The following SAMD9 variants were observed in gnomAD, a reference collection of about 807,000 sequenced individuals.
SAMD9 encodes sterile alpha motif domain containing 9.
Under a neutral mutation model 1.5 loss-of-function variants are expected in SAMD9, and 3 were observed. That is an observed-to-expected ratio of 2.05 (90% CI 0.93 to 5.29). SAMD9 has a LOEUF of 5.29. Ranked by LOEUF, SAMD9 falls within the 30% of genes most tolerant of loss-of-function variation. The pLI, the probability that SAMD9 is intolerant of heterozygous loss-of-function variation, is 0.02. For missense variants in SAMD9, 1,597 were observed against 1,820.8 expected (o/e 0.88, Z 2.24); for synonymous variants, 635 against 631.9 (o/e 1.00, Z -0.07).
rs915824696 is a variant in SAMD9, at chr7:93,105,130, A to G, written c.968T>C (p.Ile323Thr). Residue 323 changes from isoleucine to threonine, a missense_variant, in exon 3 of 3, where the codon ATT becomes ACT. This residue lies in a region of SAMD9 where 498 missense variants were observed against 457.4 expected (regional missense o/e 1.09). Transcript: ENST00000379958. ...TTTGTTGTTGTAATTTTGCATTTTA[A>G]TCTGGAAATAATCATATTGGCATTC... Reference protein sequence around the residue: ...FSECQYDYFQIKMQNYNNKIW... With the variant: ...FSECQYDYFQTKMQNYNNKIW... The G allele has an allele frequency of 1.2e-6, 2 of 1,613,536 alleles. No individual in the cohort carries two copies. Among genetic ancestry groups the G allele is most frequent in the Non-Finnish European group, 1.7e-6 (2 of 1,179,860 alleles).
At position 93,116,050 on chromosome 7, in the gene SAMD9, G is replaced by C. The variant is rs374998609; in HGVS notation, c.-109-1155C>G. Among the ~76,000 whole-genome samples the C allele has an allele frequency of 5.3e-4, 80 of 152,256 alleles. No homozygotes were observed. In the South Asian group the frequency reaches 0.015, roughly 28 times the overall value. On this transcript the variant is annotated intron_variant, in intron 1 of 2. Transcript: ENST00000379958. The stretch of plus-strand genomic sequence containing the variant: ...TTTAACACATAAAGCAGGGGTCCCC[G>C]ATTATTGTGCTGCTAGCGTGCGCTG...
chr7:93,112,097 C>G (rs1204394607), intron 2 of SAMD9, among the ~76,000 whole-genome samples: 1 of 152,196 alleles, frequency 6.6e-6, no homozygotes, highest in Non-Finnish European at 1.5e-5. Flanking sequence ...CATCAAAAAG[C>G]TTATCCTCCA....
At position 93,099,973 on chromosome 7, in the gene SAMD9, T is replaced by C. The variant is rs1203293323; in HGVS notation, c.*1355A>G. ...TACCTTAATATCCTCAAATATCTAG[T>C]CTGTGTTCAAATTTTTCTGATTGCC... On this transcript the variant is annotated 3_prime_UTR_variant, in exon 3 of 3. Coordinates refer to ENST00000379958, the MANE Select transcript of SAMD9 (RefSeq NM_017654.4). 1.3e-5 allele frequency: 2 copies of C among 152,162 alleles called. No individual in the cohort carries two copies. Among genetic ancestry groups the C allele is most frequent in the Non-Finnish European group, 2.9e-5 (2 of 68,024 alleles). 9.4% of individuals were successfully genotyped at this position (152,162 alleles called of 1,614,324 possible).
At position 93,102,559 on chromosome 7, in the gene SAMD9, C is replaced by T; in HGVS notation, c.3539G>A (p.Arg1180Lys). The T allele has an allele frequency of 6.2e-7, 1 of 1,613,846 alleles. No individual in the cohort carries two copies. Among genetic ancestry groups the T allele is most frequent in the Admixed American group, 1.7e-5 (1 of 60,012 alleles). The change falls in exon 3 of 3, where the codon AGA (arginine) becomes AAA (lysine). Residue 1180 changes from arginine to lysine, a missense_variant. Arg to Lys is a conservative substitution (Grantham distance 26). This residue lies in a region of SAMD9 where 682 missense variants were observed against 810.0 expected (regional missense o/e 0.84). Transcript: ENST00000379958. ...SEDREYEVKE[R>K]LYPKSKRRYD... ...CCGCCTTTTTGACTTCGGATACAAT[C>T]TTTCCTTCACTTCATACTCTCTATC...
chr7:93,102,929 C>T lies in SAMD9; in HGVS notation c.3169G>A (p.Ala1057Thr). 1.2e-6 allele frequency: 2 copies of T among 1,613,892 alleles called. No individual in the cohort carries two copies. The highest frequency in any genetic ancestry group is 2.2e-5 in the South Asian group (2 of 91,076). Reference protein sequence around the residue: ...TGNWFSPFIEALHKDEGNEAV... With the variant: ...TGNWFSPFIETLHKDEGNEAV... ...TCATTTCCTTCATCTTTATGTAATG[C>T]TTCAATAAATGGGGAAAACCAATTT... Residue 1057 changes from alanine to threonine, a missense_variant, in exon 3 of 3, where the codon GCA becomes ACA. Around this residue, in one of 6 missense-constraint regions of SAMD9, gnomAD observed 682 missense variants for 810.0 expected, o/e 0.84. Coordinates refer to ENST00000379958, the MANE Select transcript of SAMD9 (RefSeq NM_017654.4).
At chr7:93,107,497 T>C (rs1791666228) in intron 2 of SAMD9, among the ~76,000 whole-genome samples, 1 of 152,126 alleles carries the variant, frequency 6.6e-6, no homozygotes, top group African/African-American at 2.4e-5. Flanking sequence ...ATTCAAATAA[T>C]AATAGTCAGC....
Position 93,101,451 on chromosome 7 carries a change from G to T in SAMD9, c.4647C>A (p.Ile1549=). The change falls in exon 3 of 3, where the codon ATC becomes ATA. Residue 1549 remains isoleucine, a synonymous_variant. Coordinates refer to ENST00000379958, the MANE Select transcript of SAMD9 (RefSeq NM_017654.4). The part of the protein sequence containing the change: ...LYIEYGINEK[I]TIPITPAFLG... ...AAAAAGCGGGAGTGATGGGTATTGT[G>T]ATTTTTTCATTGATTCCATATTCTA... 1 of 1,613,710 alleles carries T rather than the reference G, an allele frequency of 6.2e-7. No homozygotes were observed. Among genetic ancestry groups the T allele is most frequent in the Non-Finnish European group, 8.5e-7 (1 of 1,179,674 alleles).
rs774718479 is a variant in SAMD9 at position 93,104,140 on chromosome 7, T to C, written c.1958A>G (p.Glu653Gly). 2.9e-5 allele frequency: 47 copies of C among 1,613,944 alleles called. No homozygotes were observed. The highest frequency in any genetic ancestry group is 4.0e-5 in the Non-Finnish European group (47 of 1,179,880). ...KKEEDIMTAL[E>G]IICENECEGT... ...CTCACATTCATTTTCACAGATAATT[T>C]CCAGAGCAGTCATGATATCTTCTTC... Residue 653 changes from glutamate (E) to glycine (G), a missense_variant, in exon 3 of 3, where the codon GAA becomes GGA. Around this residue, in one of 6 missense-constraint regions of SAMD9, gnomAD observed 358 missense variants for 460.4 expected, o/e 0.78. Coordinates refer to ENST00000379958, the MANE Select transcript of SAMD9 (RefSeq NM_017654.4).
In SAMD9 at chr7:93,104,085, T is replaced by A. The variant is rs1203403420; in HGVS notation, c.2013A>T (p.Lys671Asn). The A allele has an allele frequency of 6.2e-7, 1 of 1,613,858 alleles. No homozygotes were observed. The highest frequency in any genetic ancestry group is 8.5e-7 in the Non-Finnish European group (1 of 1,179,858). The change falls in exon 3 of 3, where the codon AAA becomes AAT. Residue 671 changes from lysine to asparagine, a missense_variant. By Grantham distance (94) the Lys-to-Asn change is moderately conservative. Around this residue, in one of 6 missense-constraint regions of SAMD9, gnomAD observed 358 missense variants for 460.4 expected, o/e 0.78. Transcript: ENST00000379958. ...CTTTTGATGCCTTGAATTCAAGGAA[T>A]TTATTTTTGTCCTTCTCTAACAGTG... ...EGTLLEKDKN[K>N]FLEFKASKEE...
Position 93,100,947 on chromosome 7 carries a change from C to T in SAMD9, c.*381G>A, listed in dbSNP as rs558840025. The T allele has an allele frequency of 1.7e-5, 4 of 237,700 alleles. No individual in the cohort carries two copies. Among genetic ancestry groups the T allele is most frequent in the Non-Finnish European group, 3.3e-5 (4 of 120,844 alleles). The allele number at this position is 237,700 out of a possible 1,614,324, so 14.7% of individuals were successfully genotyped here. A position where few individuals can be genotyped will look rare whatever the true frequency, so the allele number is the denominator to read the frequency against. On this transcript the variant is annotated 3_prime_UTR_variant, in exon 3 of 3. Coordinates refer to ENST00000379958, the MANE Select transcript of SAMD9 (RefSeq NM_017654.4). ...TTTGCTGTCTTTGAGAAATATTTTC[C>T]CAGACATTCTAATGTCTAAATGCCA...
intron 2 of SAMD9, among the ~76,000 whole-genome samples, chr7:93,106,317 C>T (rs1352262419): frequency 6.6e-6 from 1 of 152,150 alleles, no homozygotes; most frequent in African/African-American, 2.4e-5. Context: ...CACACTTTTC[C>T]CACATAAATT....
Position 93,102,662 on chromosome 7 carries a change from C to G in SAMD9, c.3436G>C (p.Val1146Leu). 3.7e-6 allele frequency: 6 copies of G among 1,613,874 alleles called. No individual in the cohort carries two copies. Among genetic ancestry groups the G allele is most frequent in the Non-Finnish European group, 4.2e-6 (5 of 1,179,818 alleles). The change falls in exon 3 of 3, where the codon GTT becomes CTT. Residue 1146 changes from valine (V) to leucine (L), a missense_variant. By Grantham distance (32) the Val-to-Leu change is conservative (BLOSUM62 1). Transcript: ENST00000379958. The stretch of plus-strand genomic sequence containing the variant: ...TCCAAAAGAGCAATTAGATCATCAA[C>G]TGAAATGTTCCCGTTTCCTCCGTTT... ...EENGGNGNIS[V>L]DDLIALLDLA...
rs1408594223 is a variant in SAMD9, at chr7:93,114,891, A to G, written c.-105T>C. ...ATTCACCCACTGCAACCATGAGATC[A>G]AAATCTGAAAAATTGCAAAACTCAT... On this transcript the variant is annotated 5_prime_UTR_variant, in exon 2 of 3. Transcript: ENST00000379958. 6.6e-6 allele frequency: 1 copy of G among 152,252 alleles called. No homozygotes were observed. Among genetic ancestry groups the G allele is most frequent in the Non-Finnish European group, 1.5e-5 (1 of 68,040 alleles). 9.4% of individuals were successfully genotyped at this position (152,252 alleles called of 1,614,324 possible). A position where few individuals can be genotyped will look rare whatever the true frequency, so the allele number is the denominator to read the frequency against.
chr7:93,105,434 A>T lies in SAMD9; in HGVS notation c.664T>A (p.Phe222Ile), dbSNP rs201875833. The change falls in exon 3 of 3, where the codon TTT becomes ATT. Residue 222 changes from phenylalanine (F) to isoleucine (I), a missense_variant. Around this residue, in one of 6 missense-constraint regions of SAMD9, gnomAD observed 498 missense variants for 457.4 expected, o/e 1.09. Coordinates refer to ENST00000379958, the MANE Select transcript of SAMD9 (RefSeq NM_017654.4). The part of the protein sequence containing the change: ...KMKFSNEVFR[F>I]ASACMNSRTN... Reference sequence around the variant, plus strand: ...CGTGAATTCATACAAGCTGAAGCAAATCGGAAAACCTCATTGCTAAATTTC... The same window carrying T: ...CGTGAATTCATACAAGCTGAAGCAATTCGGAAAACCTCATTGCTAAATTTC... The T allele has an allele frequency of 1.6e-5, 26 of 1,613,974 alleles. No individual in the cohort carries two copies. Among genetic ancestry groups the T allele is most frequent in the Non-Finnish European group, 2.2e-5 (26 of 1,179,996 alleles).
chr7:93,109,040 G>A (rs1791695010), intron 2 of SAMD9, among the ~76,000 whole-genome samples: 2 of 152,294 alleles, frequency 1.3e-5, no homozygotes, highest in South Asian at 4.1e-4. Flanking sequence ...CTAACTGGGA[G>A]ACACATCCCA....
intron 2 of SAMD9, among the ~76,000 whole-genome samples, chr7:93,113,085 G>C (rs1300015941): frequency 6.6e-6 from 1 of 152,118 alleles, no homozygotes; most frequent in East Asian, 1.9e-4. Flanking sequence ...AAAACAGCAT[G>C]GTACTGGTAC....
Position 93,104,532 on chromosome 7 carries a change from C to T in SAMD9, c.1566G>A (p.Arg522=). 1.9e-6 allele frequency: 3 copies of T among 1,614,004 alleles called. No homozygotes were observed. Among genetic ancestry groups the T allele is most frequent in the East Asian group, 2.2e-5 (1 of 44,874 alleles). The change falls in exon 3 of 3, where the codon AGG becomes AGA. Residue 522 remains arginine (R), a synonymous_variant. Coordinates refer to ENST00000379958, the MANE Select transcript of SAMD9 (RefSeq NM_017654.4). ...SWQRERASDV[R]KLISFLTHED... ...CATGTGTAAGAAATGAAATCAGTTT[C>T]CTGACATCAGAAGCTCTTTCTCTTT...
chr7:93,103,709 G>T lies in SAMD9; in HGVS notation c.2389C>A (p.Leu797Ile), dbSNP rs1371855217. 2.5e-6 allele frequency: 4 copies of T among 1,613,704 alleles called. No homozygotes were observed. The highest frequency in any genetic ancestry group is 3.4e-6 in the Non-Finnish European group (4 of 1,179,752). The change falls in exon 3 of 3, where the codon CTT becomes ATT. Residue 797 changes from leucine to isoleucine, a missense_variant. Physicochemically the swap from Leu to Ile is conservative, Grantham distance 5. This residue lies in a region of SAMD9 where 358 missense variants were observed against 460.4 expected (regional missense o/e 0.78). Transcript: ENST00000379958. ...NRQEYVPVLL[L>I]VDDFEEQDNV... ...TCTTGTTCTTCAAAATCATCAACAA[G>T]GAGTAGTACAGGTACGTATTCCTGA...
intron 2 of SAMD9, among the ~76,000 whole-genome samples, 165 bp from the exon 3 acceptor site, chr7:93,106,270 C>A (rs1458766003): frequency 6.6e-6 from 1 of 152,194 alleles, no homozygotes; most frequent in East Asian, 1.9e-4. Flanking sequence ...TCTTCTGCAT[C>A]CCTCCAGAGA....
Sources: allele counts gnomAD v4.1 joint callset (sites outside exome capture counted in the v4.1 genomes callset), GRCh38; gene constraint gnomAD v4.1.1; regional missense constraint gnomAD v4.1.1; transcripts MANE v1.5; gene names NCBI Gene and HGNC (gene_info 2026-07-23, HGNC 2026-07-21).